Variants in SCUBE2 observed in about 807,000 individuals in gnomAD.
SCUBE2 encodes the protein signal peptide, CUB domain and EGF like domain containing 2, also known as signal peptide, CUB and EGF-like domain-containing protein 2.
SCUBE2 carries 114 observed loss-of-function variants against 125.9 expected under a neutral mutation model. That is an observed-to-expected ratio of 0.91 (90% confidence interval 0.78 to 1.06). The LOEUF (loss-of-function observed/expected upper bound fraction) is 1.06, where lower values mean the gene tolerates loss of function less well. Ranked by LOEUF, SCUBE2 falls within the 50% of genes least tolerant of loss-of-function variation. The pLI is 0.00. For synonymous variants in SCUBE2, 459 were observed against 492.9 expected (o/e 0.93, Z 0.91); for missense variants, 1,255 against 1,301.8 (o/e 0.96, Z 0.55).
intron 4 of SCUBE2, among the ~76,000 whole-genome samples, chr11:9,071,445 G>A (rs1039575730): frequency 2.0e-5 from 3 of 152,200 alleles, no homozygotes; most frequent in African/African-American, 7.2e-5. Flanking sequence ...AAATGGCTCT[G>A]GAAACGCTGA....
At position 9,065,883 on chromosome 11, in the gene SCUBE2, G is replaced by A; in HGVS notation, c.850+8C>T. On this transcript the variant is annotated splice_region_variant and intron_variant, in intron 7 of 22. Coordinates refer to ENST00000649792, the MANE Select transcript of SCUBE2 (RefSeq NM_001367977.2). ...CAGTGGCCAAGGAAAGGGAGTGAAG[G>A]TGCCTACCCATGAGCAGCCGCCGTT... is the stretch of plus-strand genomic sequence containing the variant. The A allele has an allele frequency of 1.2e-6, 2 of 1,612,860 alleles. No individual in the cohort carries two copies. The highest frequency in any genetic ancestry group is 1.1e-5 in the South Asian group (1 of 91,046).
chr11:9,090,916 G>C (rs1407806782), intron 1 of SCUBE2, among the ~76,000 whole-genome samples: 1 of 152,152 alleles, frequency 6.6e-6, no homozygotes, highest in East Asian at 1.9e-4. Flanking sequence ...TTCCCAGATC[G>C]GAACAGGCGC....
intron 16 of SCUBE2, among the ~76,000 whole-genome samples, chr11:9,038,146 G>A (rs1286423270): frequency 6.6e-6 from 1 of 152,026 alleles, no homozygotes. Flanking sequence ...TGTTCTAATG[G>A]GGTTCTCAGG....
chr11:9,033,806 AGG>A lies in SCUBE2; in HGVS notation c.2003-12_2003-11del. ...CCAGCCCTGCAACTGACTAGCCAAA[AGG>A]GAAACAACCTGGTCAGTGTGGACAC... is the stretch of plus-strand genomic sequence containing the variant. On this transcript the variant is annotated splice_polypyrimidine_tract_variant and intron_variant, in intron 16 of 22. Coordinates refer to ENST00000649792, the MANE Select transcript of SCUBE2 (RefSeq NM_001367977.2). The A allele has an allele frequency of 6.2e-7, 1 of 1,613,806 alleles. No homozygotes were observed. Among genetic ancestry groups the A allele is most frequent in the Middle Eastern group, 1.7e-4 (1 of 6,058 alleles).
At chr11:9,024,188 C>T (rs1196969170) in intron 21 of SCUBE2, 6 of 1,062,674 alleles carry the variant, frequency 5.6e-6, no homozygotes, top group Non-Finnish European at 6.9e-6. Flanking sequence ...AAGACATTTT[C>T]ATGTGTCACA....
chr11:9,077,525 G>A (rs1412191582), intron 3 of SCUBE2, among the ~76,000 whole-genome samples: 1 of 152,214 alleles, frequency 6.6e-6, no homozygotes, highest in South Asian at 2.1e-4. Context: ...TGTGGCTAAT[G>A]TGTGGTTAGG....
At chr11:9,080,094 G>A (rs1861519469) in intron 2 of SCUBE2, among the ~76,000 whole-genome samples, 1 of 152,120 alleles carries the variant, frequency 6.6e-6, no homozygotes, top group Non-Finnish European at 1.5e-5. Context: ...TAAAGACAGA[G>A]GTATAGATCA....
intron 22 of SCUBE2, 35 bp from the exon 23 acceptor site, chr11:9,021,232 A>ATAT: frequency 6.6e-7 from 1 of 1,508,214 alleles, no homozygotes; most frequent in Non-Finnish European, 8.9e-7. Context: ...CTGGGCCAAA[A>ATAT]TATTTAAATA....
At chr11:9,089,662 A>G in intron 2 of SCUBE2, 45 bp downstream of exon 2, 1 of 1,603,042 alleles carries the variant, frequency 6.2e-7, no homozygotes, top group East Asian at 2.2e-5. Context: ...CTAAGGAGGT[A>G]GGAGCTTCCC....
chr11:9,053,760 CTG>C lies in SCUBE2; in HGVS notation c.1208-3_1208-2del. The stretch of plus-strand genomic sequence containing the variant: ...TTGTTGATGCTGCACTCATTGGTGT[CTG>C]TGGAACAAAATACTCTCCTGTCATA... On this transcript the variant is annotated splice_acceptor_variant and splice_polypyrimidine_tract_variant and intron_variant, in intron 10 of 22. Transcript: ENST00000649792. LOFTEE classifies it high-confidence loss of function. 1 of 1,611,826 alleles carries C rather than the reference CTG, an allele frequency of 6.2e-7. No individual in the cohort carries two copies. Among genetic ancestry groups the C allele is most frequent in the Admixed American group, 1.7e-5 (1 of 59,972 alleles).
intron 18 of SCUBE2, 121 bp downstream of exon 18, chr11:9,030,637 C>T (rs1463824088): frequency 1.4e-5 from 14 of 1,012,260 alleles, no homozygotes; most frequent in Non-Finnish European, 2.1e-5. Context: ...GGAGCTGGGA[C>T]CTGAACCCCC....
chr11:9,060,587 G>T, intron 7 of SCUBE2, 63 bp from the exon 8 acceptor site: 2 of 1,393,136 alleles, frequency 1.4e-6, no homozygotes, highest in Non-Finnish European at 2.0e-6. Context: ...GCTGACGAAG[G>T]TCACAGAAGC....
chr11:9,039,186 T>C (rs1247481917), intron 16 of SCUBE2, among the ~76,000 whole-genome samples: 2 of 152,136 alleles, frequency 1.3e-5, no homozygotes, highest in Non-Finnish European at 2.9e-5. Context: ...GGAGAACAGA[T>C]GGAGGCCAGG....
chr11:9,046,454 A>C (rs1368370934), intron 16 of SCUBE2, among the ~76,000 whole-genome samples: 6 of 152,030 alleles, frequency 3.9e-5, no homozygotes, highest in African/African-American at 1.4e-4. Context: ...GGCCCTTGAC[A>C]TTAGGTTTTC....
intron 6 of SCUBE2, 115 bp downstream of exon 6, chr11:9,066,582 G>C (rs181878960): frequency 9.6e-6 from 8 of 836,658 alleles, no homozygotes; most frequent in African/African-American, 3.3e-5. Context: ...AGGGCCTGCT[G>C]GGGGGGCAAA....
intron 3 of SCUBE2, among the ~76,000 whole-genome samples, chr11:9,075,018 C>A (rs1270367250): frequency 6.6e-6 from 1 of 152,018 alleles, no homozygotes; most frequent in East Asian, 1.9e-4. Context: ...GAATTCAAGA[C>A]CAGCCTGGCC....
chr11:9,041,121 G>T (rs899281501), intron 16 of SCUBE2, among the ~76,000 whole-genome samples: 1 of 152,212 alleles, frequency 6.6e-6, no homozygotes, highest in African/African-American at 2.4e-5. Flanking sequence ...ACCTTAAGAT[G>T]CTAGCCAGTT....
chr11:9,068,924 G>A (rs1331810346), intron 5 of SCUBE2, among the ~76,000 whole-genome samples: 2 of 152,216 alleles, frequency 1.3e-5, no homozygotes, highest in African/African-American at 4.8e-5. Context: ...CACCACGCCA[G>A]GAAGGCAGGA....
intron 4 of SCUBE2, among the ~76,000 whole-genome samples, chr11:9,071,081 C>T (rs1334754886): frequency 6.6e-6 from 1 of 152,222 alleles, no homozygotes; most frequent in Non-Finnish European, 1.5e-5. Context: ...CCTCTAGAAG[C>T]AGTGTCCTGT....
Sources: gnomAD v4.1 joint callset for allele counts (sites outside exome capture counted in the v4.1 genomes callset) on GRCh38, gnomAD v4.1.1 for gene constraint, MANE v1.5 for transcripts, NCBI Gene and HGNC (gene_info 2026-07-23, HGNC 2026-07-21) for gene names.